The following CHM variants were observed in gnomAD, a reference collection of about 807,000 sequenced individuals.
CHM encodes rab proteins geranylgeranyltransferase component A 1.
CHM carries 10 observed loss-of-function variants against 49.0 expected under a neutral mutation model. That is an observed-to-expected ratio of 0.20 (90% CI 0.13 to 0.35). The LOEUF (loss-of-function observed/expected upper bound fraction) is 0.35, where lower values mean the gene tolerates loss of function less well. CHM is among the 10% of genes least tolerant of loss of function. The pLI, the probability that CHM is intolerant of heterozygous loss-of-function variation, is 1.00. For synonymous variants in CHM, 184 were observed against 167.5 expected, an observed-to-expected ratio of 1.10 and a Z score of -0.76; for missense variants, 455 against 478.4, an observed-to-expected ratio of 0.95 and a Z score of 0.46.
intron 5 of CHM, among the ~76,000 whole-genome samples, chrX:85,959,383 T>TA (rs1342893506): frequency 9.0e-6 from 1 of 111,397 alleles, no homozygotes. Flanking sequence ...CTAAAATATA[T>TA]TTTTTTAATC....
intron 12 of CHM, among the ~76,000 whole-genome samples, chrX:85,883,794 A>C (rs893196074): frequency 2.5e-4 from 28 of 110,854 alleles, no homozygotes; most frequent in Admixed American, 8.7e-4. Context: ...GGATTATTAC[A>C]TACATCATAT....
chrX:85,897,197 A>G (rs1925933973), intron 11 of CHM, among the ~76,000 whole-genome samples: 1 of 98,750 alleles, frequency 1.0e-5, no homozygotes, highest in Non-Finnish European at 2.0e-5. Flanking sequence ...TATATATTAT[A>G]AAGTATATAT....
intron 13 of CHM, among the ~76,000 whole-genome samples, chrX:85,874,712 C>T (rs1229853075): frequency 1.8e-5 from 2 of 111,415 alleles, no homozygotes; most frequent in Non-Finnish European, 3.8e-5. Context: ...CTAAGATCTA[C>T]GAGTCATCTA....
intron 1 of CHM, among the ~76,000 whole-genome samples, chrX:86,039,589 C>T (rs1934381628): frequency 9.2e-6 from 1 of 108,353 alleles, no homozygotes; most frequent in Admixed American, 9.9e-5. Context: ...GGACAGGAGG[C>T]AGGGAAATTC....
rs6623552 is a variant in CHM at position 85,973,794 on chromosome X, G to T, written c.314+4973C>A. Among the ~76,000 whole-genome samples the T allele has an allele frequency of 3.6e-5, 4 of 111,940 alleles. No individual in the cohort carries two copies. In the Admixed American group the frequency reaches 3.8e-4, roughly 11 times the overall value. ...CTTTCTGGGAAAAAAGAACAAAGTAGGGCTTATTAAGTGAGCCTAAGGATA... is the reference window on the plus strand; with the variant it reads ...CTTTCTGGGAAAAAAGAACAAAGTATGGCTTATTAAGTGAGCCTAAGGATA... On this transcript the variant is annotated intron_variant, in intron 4 of 14. Transcript: ENST00000357749.
chrX:85,978,630 A>G, intron 4 of CHM, 137 bp downstream of exon 4: 1 of 565,893 alleles, frequency 1.8e-6, no homozygotes, highest in Non-Finnish European at 2.7e-6. Context: ...TGAAAGTTCC[A>G]TTTAAAAACA....
intron 4 of CHM, among the ~76,000 whole-genome samples, chrX:85,973,076 A>C (rs1342132213): frequency 2.7e-5 from 3 of 110,269 alleles, no homozygotes; most frequent in Non-Finnish European, 5.7e-5. Context: ...CAAGACGTGC[A>C]GATCATGAGG....
chrX:85,877,807 C>G (rs370593414), intron 13 of CHM, among the ~76,000 whole-genome samples: 1 of 111,227 alleles, frequency 9.0e-6, no homozygotes, highest in African/African-American at 3.3e-5. Context: ...TATGCACTAT[C>G]TCTGCATTAA....
intron 2 of CHM, among the ~76,000 whole-genome samples, chrX:86,008,943 G>A (rs760556215): frequency 1.8e-5 from 2 of 112,456 alleles, no homozygotes; most frequent in Middle Eastern, 4.6e-3. Flanking sequence ...ATATCAAGTA[G>A]CATTCATTCT....
intron 12 of CHM, among the ~76,000 whole-genome samples, chrX:85,891,391 T>C (rs1925444796): frequency 9.0e-6 from 1 of 111,233 alleles, no homozygotes; most frequent in African/African-American, 3.3e-5. Context: ...GAGGAAAAAG[T>C]GGTTTCATGG....
intron 14 of CHM, among the ~76,000 whole-genome samples, chrX:85,866,145 T>C (rs779810477): frequency 8.9e-6 from 1 of 112,467 alleles, no homozygotes; most frequent in Non-Finnish European, 1.9e-5. Flanking sequence ...CTCCAGGGCA[T>C]GTCAGAGATC....
At chrX:85,928,265 G>A (rs1284290264) in intron 8 of CHM, among the ~76,000 whole-genome samples, 2 of 111,852 alleles carry the variant, frequency 1.8e-5, no homozygotes, top group African/African-American at 3.3e-5. Flanking sequence ...AAATAGGGCC[G>A]GGCGCGGTGG....
At chrX:85,946,719 C>T (rs1929435504) in intron 8 of CHM, among the ~76,000 whole-genome samples, 1 of 111,629 alleles carries the variant, frequency 9.0e-6, no homozygotes, top group African/African-American at 3.3e-5. Flanking sequence ...GGGTCGGAGG[C>T]CCCATGCAGA....
At chrX:85,989,964 C>T (rs1368759495) in intron 2 of CHM, among the ~76,000 whole-genome samples, 1 of 111,986 alleles carries the variant, frequency 8.9e-6, no homozygotes, top group African/African-American at 3.2e-5. Flanking sequence ...GAGCTACCAT[C>T]CAATCCAGCA....
At chrX:86,001,264 T>C (rs1250336206) in intron 2 of CHM, among the ~76,000 whole-genome samples, 1 of 111,272 alleles carries the variant, frequency 9.0e-6, no homozygotes, top group East Asian at 2.8e-4. Context: ...CATATATGAA[T>C]GTTTACATTT....
chrX:85,975,144 A>G (rs1382309536), intron 4 of CHM, among the ~76,000 whole-genome samples: 1 of 112,096 alleles, frequency 8.9e-6, no homozygotes, highest in Non-Finnish European at 1.9e-5. Flanking sequence ...GACAACACCA[A>G]ATTAAGGTAA....
At chrX:85,877,827 C>G (rs997744397) in intron 13 of CHM, among the ~76,000 whole-genome samples, 1 of 110,803 alleles carries the variant, frequency 9.0e-6, no homozygotes, top group African/African-American at 3.3e-5. Context: ...AGAAAATAAG[C>G]AACCCACATA....
chrX:85,983,898 T>A (rs921069526), intron 2 of CHM, among the ~76,000 whole-genome samples: 1 of 111,289 alleles, frequency 9.0e-6, no homozygotes, highest in Non-Finnish European at 1.9e-5. Context: ...TCACAAAACA[T>A]ATCTAATAAA....
chrX:85,878,978 A>T lies in CHM; in HGVS notation c.1596T>A (p.Thr532=). The change falls in exon 13 of 15, where the codon ACT becomes ACA. Residue 532 remains threonine, a synonymous_variant. Coordinates refer to ENST00000357749, the MANE Select transcript of CHM (RefSeq NM_000390.4). ...SVVQKLFVPY[T]EMEIENEQVE... ...TATTTTTCTTACCTATCTCCATTTC[A>T]GTATATGGAACAAACAATTTCTGCA... 8.5e-7 allele frequency: 1 copy of T among 1,174,536 alleles called. No individual in the cohort carries two copies. The highest frequency in any genetic ancestry group is 1.2e-6 in the Non-Finnish European group (1 of 863,349).
Sources: gnomAD v4.1 joint callset for allele counts (sites outside exome capture counted in the v4.1 genomes callset) on GRCh38, gnomAD v4.1.1 for gene constraint, MANE v1.5 for transcripts, NCBI Gene and HGNC (gene_info 2026-07-23, HGNC 2026-07-21) for gene names.